The following SMURF1 variants were observed in gnomAD, a reference collection of about 807,000 sequenced individuals.
SMURF1 encodes the protein SMAD specific E3 ubiquitin protein ligase 1, also known as E3 ubiquitin-protein ligase SMURF1.
In SMURF1, 44 loss-of-function variants were observed where a neutral mutation model predicts 98.0. The ratio of observed to expected loss-of-function variants is 0.45; its 90% CI spans 0.35 to 0.58. The LOEUF (loss-of-function observed/expected upper bound fraction) is 0.58. Among genes scored for constraint, SMURF1 ranks in the 20% least tolerant of loss-of-function variants. SMURF1 has a pLI of 0.00. For synonymous variants in SMURF1, 396 were observed against 374.9 expected, an observed-to-expected ratio of 1.06 and a Z score of -0.65; for missense variants, 687 against 938.4, an observed-to-expected ratio of 0.73 and a Z score of 3.50.
intron 1 of SMURF1, among the ~76,000 whole-genome samples, chr7:99,068,288 A>C (rs1796244252): frequency 1.3e-5 from 2 of 152,108 alleles, no homozygotes; most frequent in African/African-American, 4.8e-5. Flanking sequence ...TAGCCACTAC[A>C]TCAATCTTTT....
chr7:99,039,437 C>A (rs1795288749), intron 13 of SMURF1, among the ~76,000 whole-genome samples: 1 of 151,890 alleles, frequency 6.6e-6, no homozygotes, highest in Admixed American at 6.6e-5. Context: ...CCTCTGCCTC[C>A]TGGGTTGAAG....
Position 99,042,145 on chromosome 7 carries a change from T to G in SMURF1, c.1344A>C (p.Gln448His). The change falls in exon 12 of 18, where the codon CAA becomes CAC. Residue 448 changes from glutamine (Q) to histidine (H), a missense_variant. Transcript: ENST00000361368. ...QYSTDNIYML[Q>H]INPDSSINPD... ...GGTTGATTGAAGAATCCGGATTTAT[T>G]TGCAACATGTAAATATTGTCCGTAG... The G allele has an allele frequency of 6.2e-7, 1 of 1,614,016 alleles. No individual in the cohort carries two copies. Among genetic ancestry groups the G allele is most frequent in the Non-Finnish European group, 8.5e-7 (1 of 1,179,946 alleles).
At chr7:99,121,561 C>G (rs1797623338) in intron 1 of SMURF1, among the ~76,000 whole-genome samples, 1 of 152,132 alleles carries the variant, frequency 6.6e-6, no homozygotes, top group African/African-American at 2.4e-5. Context: ...CTCCCCGCCC[C>G]CAGTCAGCTG....
rs1037667714 is a variant in SMURF1 at position 99,027,771 on chromosome 7, G to A, written c.*2813C>T. ...TAAAATCCATACTATGTTTCGGGAA[G>A]GCTGCCGTGTGGCACACACCTGGCT... is the stretch of plus-strand genomic sequence containing the variant. On this transcript the variant is annotated 3_prime_UTR_variant, in exon 18 of 18. Coordinates refer to ENST00000361368, the MANE Select transcript of SMURF1 (RefSeq NM_181349.3). 2.0e-5 allele frequency: 3 copies of A among 152,470 alleles called. No individual in the cohort carries two copies. Among genetic ancestry groups the A allele is most frequent in the African/African-American group, 7.2e-5 (3 of 41,464 alleles). 9.4% of individuals were successfully genotyped at this position (152,470 alleles called of 1,614,324 possible).
chr7:99,093,818 T>C (rs1044290072), intron 1 of SMURF1, among the ~76,000 whole-genome samples: 1 of 152,126 alleles, frequency 6.6e-6, no homozygotes, highest in Non-Finnish European at 1.5e-5. Flanking sequence ...AATTCTTCAA[T>C]TATAAATTGA....
At chr7:99,052,511 G>A in intron 6 of SMURF1, 65 bp from the exon 7 acceptor site, 1 of 1,453,410 alleles carries the variant, frequency 6.9e-7, no homozygotes, top group Non-Finnish European at 9.1e-7. Context: ...CAGCGCCTTA[G>A]GGCTAGTGTC....
intron 5 of SMURF1, 86 bp from the exon 6 acceptor site, chr7:99,054,951 A>G: frequency 8.2e-7 from 1 of 1,221,116 alleles, no homozygotes; most frequent in South Asian, 1.2e-5. Flanking sequence ...TTTAGAATTT[A>G]TGTACAATAT....
intron 1 of SMURF1, among the ~76,000 whole-genome samples, chr7:99,086,253 G>A (rs1198247126): frequency 6.6e-6 from 1 of 152,054 alleles, no homozygotes; most frequent in Non-Finnish European, 1.5e-5. Flanking sequence ...GGCTGAGGTG[G>A]GAGAATCACT....
intron 1 of SMURF1, among the ~76,000 whole-genome samples, chr7:99,090,880 G>C (rs937865845): frequency 3.9e-5 from 6 of 152,166 alleles, no homozygotes; most frequent in African/African-American, 1.2e-4. Flanking sequence ...ATTCTTGCAA[G>C]GGTGTAATCC....
intron 10 of SMURF1, among the ~76,000 whole-genome samples, chr7:99,046,897 C>G (rs901002192): frequency 1.3e-5 from 2 of 152,178 alleles, no homozygotes; most frequent in South Asian, 2.1e-4. Context: ...AGCTGCCCAT[C>G]CAACACTCAG....
chr7:99,039,686 C>G (rs1795298928), intron 13 of SMURF1, among the ~76,000 whole-genome samples: 1 of 152,112 alleles, frequency 6.6e-6, no homozygotes, highest in Admixed American at 6.5e-5. Flanking sequence ...GATTTTCTAC[C>G]TGATCCCCAG....
chr7:99,126,644 G>A lies in SMURF1; in HGVS notation c.55+17082C>T, dbSNP rs1797752965. On this transcript the variant is annotated intron_variant, in intron 1 of 17. Transcript: ENST00000361368. The stretch of plus-strand genomic sequence containing the variant: ...CACTCCAGCCTGGGCGACAGAGCGA[G>A]ACGCCATCTCAGAAAAATAAATTTA... Among the ~76,000 whole-genome samples the A allele has an allele frequency of 3.3e-5, 5 of 152,250 alleles. No homozygotes were observed. In the South Asian group the frequency reaches 1.0e-3, roughly 32 times the overall value.
At chr7:99,121,001 T>C (rs555510346) in intron 1 of SMURF1, 1 of 152,116 alleles carries the variant, frequency 6.6e-6, no homozygotes, top group African/African-American at 2.4e-5. Flanking sequence ...CTTTACAAGA[T>C]TTCTATTAAG....
chr7:99,123,253 A>T (rs1292345904), intron 1 of SMURF1, among the ~76,000 whole-genome samples: 1 of 152,202 alleles, frequency 6.6e-6, no homozygotes, highest in Admixed American at 6.5e-5. Context: ...AATAAATATT[A>T]TGGCCAGGGC....
At chr7:99,050,754 G>T in intron 8 of SMURF1, 1 of 586,078 alleles carries the variant, frequency 1.7e-6, no homozygotes, top group South Asian at 2.6e-5. Flanking sequence ...TGGAAAATCA[G>T]ACAGGAAGTT....
At chr7:99,103,892 CT>C (rs1247182195) in intron 1 of SMURF1, among the ~76,000 whole-genome samples, 218 of 145,096 alleles carry the variant, frequency 1.5e-3, no homozygotes, top group Middle Eastern at 7.0e-3. Context: ...CGGGCCACAA[CT>C]TTTTTTTTTT....
At chr7:99,045,611 G>A (rs1458263549) in intron 11 of SMURF1, 87 bp downstream of exon 11, 7 of 1,093,828 alleles carry the variant, frequency 6.4e-6, no homozygotes, top group African/African-American at 1.5e-5. Context: ...GGAGTGCTTG[G>A]TGATGAGCAC....
At chr7:99,035,939 G>A (rs935003824) in intron 15 of SMURF1, 36 of 574,866 alleles carry the variant, frequency 6.3e-5, no homozygotes, top group Middle Eastern at 4.7e-4. Context: ...CAAGGACCGC[G>A]GTGCACAGCT....
At chr7:99,060,378 CAAAAAAAAAAAA>C (rs11340949) in intron 3 of SMURF1, among the ~76,000 whole-genome samples, 3 of 92,500 alleles carry the variant, frequency 3.2e-5, no homozygotes, top group African/African-American at 5.0e-5. Context: ...GACTCCGTCT[CAAAAAAAAAAAA>C]AAAAAAAGAA....
Sources: allele counts gnomAD v4.1 joint callset (sites outside exome capture counted in the v4.1 genomes callset), GRCh38; gene constraint gnomAD v4.1.1; transcripts MANE v1.5; gene names NCBI Gene and HGNC (gene_info 2026-07-23, HGNC 2026-07-21).